The following SLC28A2 variants were observed in gnomAD, a reference collection of about 807,000 sequenced individuals.
The protein encoded by SLC28A2 is solute carrier family 28 member 2, also known as sodium/nucleoside cotransporter 2.
In SLC28A2, 69 loss-of-function variants were observed where a neutral mutation model predicts 72.9. That is an observed-to-expected ratio of 0.95 (90% CI 0.78 to 1.16). The LOEUF (loss-of-function observed/expected upper bound fraction) is 1.16, where lower values mean the gene tolerates loss of function less well. SLC28A2 is among the 50% of genes most tolerant of loss of function. The pLI is 0.00. For synonymous variants in SLC28A2, 296 were observed against 294.1 expected (o/e 1.01, Z -0.07); for missense variants, 745 against 791.1 (o/e 0.94, Z 0.70).
intron 12 of SLC28A2, 100 bp from the exon 13 acceptor site, chr15:45,268,110 C>A: frequency 8.3e-7 from 1 of 1,209,166 alleles, no homozygotes; most frequent in Non-Finnish European, 1.2e-6. Flanking sequence ...ATTGGCCTTG[C>A]ACCCTCCTCC....
intron 3 of SLC28A2, among the ~76,000 whole-genome samples, chr15:45,257,850 G>A (rs185508939): frequency 9.8e-5 from 15 of 152,334 alleles, no homozygotes; most frequent in Admixed American, 8.5e-4. Context: ...ACAGTTCTGA[G>A]TACTTAACAC....
In SLC28A2 at chr15:45,271,137, A is replaced by C. The variant is rs369073615; in HGVS notation, c.1648+861A>C. Among the ~76,000 whole-genome samples, 9 of 152,350 alleles carry C rather than the reference A, an allele frequency of 5.9e-5. No homozygotes were observed. The East Asian group carries it at 1.7e-3, about 29-fold the overall frequency. Reference sequence around the variant, plus strand: ...GAGTGGGTCTTTGAAGCAGACACAGATATATTTAGACTGTTGGAGATACTG... The same window carrying C: ...GAGTGGGTCTTTGAAGCAGACACAGCTATATTTAGACTGTTGGAGATACTG... On this transcript the variant is annotated intron_variant, in intron 15 of 17. Coordinates refer to ENST00000347644, the MANE Select transcript of SLC28A2 (RefSeq NM_004212.4).
chr15:45,259,509 C>A (rs1194433630), intron 3 of SLC28A2, among the ~76,000 whole-genome samples: 2 of 152,076 alleles, frequency 1.3e-5, no homozygotes, highest in Non-Finnish European at 2.9e-5. Flanking sequence ...AAAATTAATA[C>A]CCTGAATGAT....
chr15:45,260,622 C>T (rs560243889), intron 3 of SLC28A2, among the ~76,000 whole-genome samples: 38 of 152,134 alleles, frequency 2.5e-4, no homozygotes, highest in African/African-American at 5.1e-4. Context: ...ATTAGCTGGG[C>T]GTGGTGGTGC....
In SLC28A2 at chr15:45,253,289, A is replaced by C; in HGVS notation, c.74A>C (p.Glu25Ala). ...ACTGGCACAGTGAACCCGGGGCTGG[A>C]GCTCATGGTAATCACCAGTTTAGTT... ...VETGTVNPGL[E>A]LMEKEVEPEG... Residue 25 changes from glutamate (E) to alanine (A), a missense_variant, in exon 2 of 18, where the codon GAG becomes GCG. Transcript: ENST00000347644. 1.2e-6 allele frequency: 2 copies of C among 1,611,852 alleles called. No individual in the cohort carries two copies. Among genetic ancestry groups the C allele is most frequent in the Non-Finnish European group, 1.7e-6 (2 of 1,178,018 alleles).
chr15:45,270,930 C>T (rs1399114683), intron 15 of SLC28A2, among the ~76,000 whole-genome samples: 1 of 152,154 alleles, frequency 6.6e-6, no homozygotes, highest in Non-Finnish European at 1.5e-5. Flanking sequence ...AGCCACCACA[C>T]CTGGTCTTGT....
intron 10 of SLC28A2, 113 bp from the exon 11 acceptor site, chr15:45,267,342 C>A: frequency 8.7e-7 from 1 of 1,155,842 alleles, no homozygotes; most frequent in Non-Finnish European, 1.3e-6. Context: ...CTTAACAGTG[C>A]TCACACTGGA....
intron 3 of SLC28A2, 91 bp downstream of exon 3, chr15:45,253,611 A>T: frequency 1.4e-6 from 1 of 706,712 alleles, no homozygotes; most frequent in Admixed American, 2.4e-5. Flanking sequence ...CAACCGCTCC[A>T]CCTTACCATG....
rs745942775 is a variant in SLC28A2, at chr15:45,272,749, T to A, written c.1824T>A (p.Tyr608Ter). 6.2e-7 allele frequency: 1 copy of A among 1,611,956 alleles called. No individual in the cohort carries two copies. Among genetic ancestry groups the A allele is most frequent in the Non-Finnish European group, 8.5e-7 (1 of 1,178,024 alleles). ...FPNTSFTNRT[Y>*]ETYMCCRGLF... is the part of the protein sequence containing the mutation. ...ACACAAGTTTCACCAATAGAACCTA[T>A]GAGACCTACATGTGCTGCAGAGGGC... The change falls in exon 17 of 18, where the codon TAT becomes TAA. Residue 608 changes from tyrosine (Y) to a stop codon, truncating the protein, a stop_gained. Transcript: ENST00000347644. LOFTEE classifies it high-confidence loss of function.
rs182849977 is a variant in SLC28A2, at chr15:45,261,248, G to A, written c.171-767G>A. ...AACCCTGGAATCTAGGGAAGATGTG[G>A]CATAGAATGATGGTTAAGAGCTCAG... On this transcript the variant is annotated intron_variant, in intron 3 of 17. Coordinates refer to ENST00000347644, the MANE Select transcript of SLC28A2 (RefSeq NM_004212.4). Among the ~76,000 whole-genome samples, 67 of 152,332 alleles carry A rather than the reference G, an allele frequency of 4.4e-4. 1 individual carries two copies. Among genetic ancestry groups the A allele is most frequent in the Admixed American group, 2.5e-3 (39 of 15,300 alleles).
At chr15:45,254,112 C>T (rs1382525402) in intron 3 of SLC28A2, among the ~76,000 whole-genome samples, 1 of 151,892 alleles carries the variant, frequency 6.6e-6, no homozygotes, top group Non-Finnish European at 1.5e-5. Context: ...GGATCTGGTC[C>T]CAGAAGTAAT....
rs539552133 is a variant in SLC28A2, at chr15:45,276,224, G to C, written c.*711G>C. ...AAATCATCATTCTCAGTAAACTATCGCAAGGACAAAAAACCAAACACCACA... is the reference window on the plus strand; with the variant it reads ...AAATCATCATTCTCAGTAAACTATCCCAAGGACAAAAAACCAAACACCACA... On this transcript the variant is annotated 3_prime_UTR_variant, in exon 18 of 18. Transcript: ENST00000347644. 129 of 151,996 alleles carry C rather than the reference G, an allele frequency of 8.5e-4. No homozygotes were observed. The highest frequency in any genetic ancestry group is 3.0e-3 in the African/African-American group (125 of 41,440). 9.4% of individuals were successfully genotyped at this position (151,996 alleles called of 1,614,324 possible).
At chr15:45,255,526 G>T (rs940359169) in intron 3 of SLC28A2, among the ~76,000 whole-genome samples, 4 of 152,144 alleles carry the variant, frequency 2.6e-5, no homozygotes, top group African/African-American at 9.7e-5. Context: ...TAAAAAGAAG[G>T]TGAGATGAAC....
intron 12 of SLC28A2, 120 bp downstream of exon 12, chr15:45,267,916 C>A (rs1900398039): frequency 7.9e-7 from 1 of 1,262,516 alleles, no homozygotes; most frequent in Non-Finnish European, 1.1e-6. Context: ...TTCCTTCTTG[C>A]CTATCTCTGG....
chr15:45,264,985 G>A (rs1365677327), intron 7 of SLC28A2, 104 bp from the exon 8 acceptor site: 3 of 934,442 alleles, frequency 3.2e-6, no homozygotes, highest in Non-Finnish European at 5.2e-6. Context: ...GCCAACCTCA[G>A]TAGCAACAGT....
chr15:45,256,390 A>C (rs1899979531), intron 3 of SLC28A2, among the ~76,000 whole-genome samples: 1 of 151,518 alleles, frequency 6.6e-6, no homozygotes, highest in African/African-American at 2.4e-5. Context: ...CATTTGCCTT[A>C]CTTTCCATAT....
At chr15:45,258,149 G>T (rs1900031608) in intron 3 of SLC28A2, among the ~76,000 whole-genome samples, 1 of 152,112 alleles carries the variant, frequency 6.6e-6, no homozygotes, top group Admixed American at 6.5e-5. Context: ...CTTGAACCTG[G>T]GAGGCGGAGG....
chr15:45,264,180 G>A (rs1416085471), intron 6 of SLC28A2, among the ~76,000 whole-genome samples, 158 bp downstream of exon 6: 1 of 152,168 alleles, frequency 6.6e-6, no homozygotes, highest in Non-Finnish European at 1.5e-5. Flanking sequence ...TCTAAGATAA[G>A]TTTAAAAAAT....
Position 45,275,382 on chromosome 15 carries a change from G to A in SLC28A2, c.1860-14G>A, listed in dbSNP as rs767192964. 1 of 1,512,830 alleles carries A rather than the reference G, an allele frequency of 6.6e-7. No homozygotes were observed. Among genetic ancestry groups the A allele is most frequent in the Non-Finnish European group, 9.2e-7 (1 of 1,088,628 alleles). 93.7% of individuals were successfully genotyped at this position (1,512,830 alleles called of 1,614,324 possible). ...GTCTGACCCCTTATGTACCTCTCTG[G>A]TTTTTCACTGCAGTACTTCTCTGAA... On this transcript the variant is annotated splice_polypyrimidine_tract_variant and intron_variant, in intron 17 of 17. Transcript: ENST00000347644.
Sources: allele counts gnomAD v4.1 joint callset (sites outside exome capture counted in the v4.1 genomes callset), GRCh38; gene constraint gnomAD v4.1.1; transcripts MANE v1.5; gene names NCBI Gene and HGNC (gene_info 2026-07-23, HGNC 2026-07-21).